LRIF1: variants seen among roughly 807,000 people sequenced by gnomAD.
LRIF1 encodes ligand-dependent nuclear receptor-interacting factor 1.
A neutral mutation model predicts 52.7 loss-of-function variants in LRIF1; 32 were observed. That is an observed-to-expected ratio of 0.61 (90% CI 0.46 to 0.82). The LOEUF (loss-of-function observed/expected upper bound fraction) is 0.82, where lower values mean the gene tolerates loss of function less well. Among genes scored for constraint, LRIF1 ranks in the 40% least tolerant of loss-of-function variants. The pLI is 0.00. For missense variants in LRIF1, 887 were observed against 892.0 expected, an observed-to-expected ratio of 0.99 and a Z score of 0.07; for synonymous variants, 323 against 317.4, an observed-to-expected ratio of 1.02 and a Z score of -0.19.
chr1:110,889,533 C>T, the LRIF1 span, among the ~76,000 whole-genome samples: 73 of 151,208 alleles, frequency 4.8e-4, 1 homozygote, highest in East Asian at 0.011. Context: ...ATGCCAGCCT[C>T]GGCGAAAGAG....
At chr1:110,914,571 T>C in the LRIF1 span, among the ~76,000 whole-genome samples, 1 of 152,084 alleles carries the variant, frequency 6.6e-6, no homozygotes, top group Non-Finnish European at 1.5e-5. Flanking sequence ...CTGACCAACG[T>C]GGTGAAACCC....
the LRIF1 span, among the ~76,000 whole-genome samples, chr1:110,932,781 T>C: frequency 6.6e-6 from 1 of 152,224 alleles, no homozygotes; most frequent in Admixed American, 6.5e-5. Flanking sequence ...CATTTTAGCA[T>C]CCATTGGTGA....
At chr1:110,918,466 C>T in the LRIF1 span, among the ~76,000 whole-genome samples, 138 of 151,756 alleles carry the variant, frequency 9.1e-4, 1 homozygote, top group Admixed American at 1.5e-3. Context: ...ATTAATTAAA[C>T]GTTATGTATA....
the LRIF1 span, chr1:110,899,064 C>T: frequency 5.0e-5 from 63 of 1,267,754 alleles, 1 homozygote; most frequent in Non-Finnish European, 7.1e-5. Flanking sequence ...CAATCCCAGG[C>T]ATTGTGAAAG....
rs756094480 is a variant in LRIF1 at position 110,952,604 on chromosome 1, G to A, written c.280C>T (p.Gln94Ter). The part of the protein sequence containing the change: ...ISSSSTSASV[Q>*]LPIFQPASSS... ...CTGGCTGGCTGAAAAATGGGCAATT[G>A]AACTGATGCACTTGTGGAAGAGCTG... The change falls in exon 2 of 4, where the codon CAA becomes TAA. Residue 94 changes from glutamine to a stop codon, truncating the protein, a stop_gained. Coordinates refer to ENST00000369763, the MANE Select transcript of LRIF1 (RefSeq NM_018372.4). LOFTEE classifies it high-confidence loss of function. 6.2e-7 allele frequency: 1 copy of A among 1,614,032 alleles called. No homozygotes were observed. The highest frequency in any genetic ancestry group is 1.1e-5 in the South Asian group (1 of 91,080).
At chr1:110,885,724 C>T in the LRIF1 span, among the ~76,000 whole-genome samples, 34 of 151,438 alleles carry the variant, frequency 2.2e-4, no homozygotes, top group Non-Finnish European at 4.0e-4. Flanking sequence ...ATTAGCTGGG[C>T]GTGGTGGTGC....
the LRIF1 span, among the ~76,000 whole-genome samples, chr1:110,932,186 T>C: frequency 6.6e-6 from 1 of 152,252 alleles, no homozygotes; most frequent in African/African-American, 2.4e-5. Flanking sequence ...GGATCCAGTT[T>C]CAGCTTTCTA....
chr1:110,910,419 T>A, the LRIF1 span, among the ~76,000 whole-genome samples: 1 of 151,674 alleles, frequency 6.6e-6, no homozygotes, highest in African/African-American at 2.4e-5. Context: ...GCCAACATGG[T>A]GAAACCCCGT....
the LRIF1 span, among the ~76,000 whole-genome samples, chr1:110,906,940 AC>A: frequency 6.6e-6 from 1 of 152,232 alleles, no homozygotes; most frequent in East Asian, 1.9e-4. Context: ...TAAGGTTATT[AC>A]AATAGTATGG....
chr1:110,883,025 T>C, the LRIF1 span, among the ~76,000 whole-genome samples: 1 of 152,022 alleles, frequency 6.6e-6, no homozygotes, highest in Non-Finnish European at 1.5e-5. Context: ...TTACTTTTTT[T>C]TCTTTCCAGT....
chr1:110,950,250 TCCTTG>T, intron 2 of LRIF1, 127 bp from the exon 3 acceptor site: 1 of 1,155,276 alleles, frequency 8.7e-7, no homozygotes, highest in East Asian at 2.6e-5. Flanking sequence ...GTTTGTATTA[TCCTTG>T]CCTTACCACC....
intron 1 of LRIF1, among the ~76,000 whole-genome samples, chr1:110,954,046 T>C (rs1658595421): frequency 1.3e-5 from 2 of 152,090 alleles, no homozygotes; most frequent in Non-Finnish European, 2.9e-5. Flanking sequence ...ATAACTAAGA[T>C]CAAATAAATA....
At chr1:110,896,527 A>G in the LRIF1 span, 1 of 819,826 alleles carries the variant, frequency 1.2e-6, no homozygotes, top group Non-Finnish European at 2.0e-6. Flanking sequence ...GCCCATAGCA[A>G]TCAGACCAAT....
the LRIF1 span, among the ~76,000 whole-genome samples, chr1:110,879,090 A>C: frequency 0.22 from 33,516 of 152,028 alleles, 4,058 homozygotes; most frequent in East Asian, 0.32. Flanking sequence ...TGAAACAAGC[A>C]AGGGATTATT....
chr1:110,901,175 T>C, the LRIF1 span, among the ~76,000 whole-genome samples: 5 of 152,054 alleles, frequency 3.3e-5, no homozygotes, highest in Non-Finnish European at 7.4e-5. Context: ...TTTTTTGTTT[T>C]TGTTTGTTTG....
chr1:110,918,500 A>G, the LRIF1 span, among the ~76,000 whole-genome samples: 1 of 152,224 alleles, frequency 6.6e-6, no homozygotes, highest in East Asian at 1.9e-4. Context: ...TATAAAATGA[A>G]AGAAAAAAAC....
In LRIF1 at chr1:110,948,374, G is replaced by GCTTTT; in HGVS notation, c.1890_1894dup (p.Ala632GlufsTer12). On this transcript the variant is annotated frameshift_variant, in exon 4 of 4. Coordinates refer to ENST00000369763, the MANE Select transcript of LRIF1 (RefSeq NM_018372.4). LOFTEE classifies it high-confidence loss of function. ...GTGATCCATCTTCTTATTAGTTTTT[G>GCTTTT]CTTTTCTTTTCTTATCAAAATTCTG... is the stretch of plus-strand genomic sequence containing the variant. 1 of 1,611,198 alleles carries GCTTTT rather than the reference G, an allele frequency of 6.2e-7. No individual in the cohort carries two copies.
the LRIF1 span, among the ~76,000 whole-genome samples, chr1:110,891,823 AT>A: frequency 2.0e-5 from 3 of 152,226 alleles, no homozygotes; most frequent in African/African-American, 4.8e-5. Flanking sequence ...CCTTGAAACA[AT>A]AAGTGATTGA....
chr1:110,902,257 CTACATGAGATGGCTCACTCT>C, the LRIF1 span, among the ~76,000 whole-genome samples: 1 of 152,096 alleles, frequency 6.6e-6, no homozygotes, highest in African/African-American at 2.4e-5. Flanking sequence ...CTGTCAAGCC[CTACATGAGATGGCTCACTCT>C]TAGCTCTCCA....
Sources: allele counts gnomAD v4.1 joint callset (sites outside exome capture counted in the v4.1 genomes callset), GRCh38; gene constraint gnomAD v4.1.1; transcripts MANE v1.5; gene names NCBI Gene and HGNC (gene_info 2026-07-23, HGNC 2026-07-21).